TACR3: variants seen among roughly 807,000 people sequenced by gnomAD.
The protein encoded by TACR3 is tachykinin receptor 3.
Under a neutral mutation model 35.0 loss-of-function variants are expected in TACR3, and 34 were observed. That is an observed-to-expected ratio of 0.97 (90% confidence interval 0.74 to 1.30). The LOEUF is 1.30. Among genes scored for constraint, TACR3 ranks in the 50% most tolerant of loss-of-function variants. The pLI is 0.00. For missense variants in TACR3, 558 were observed against 591.7 expected, an observed-to-expected ratio of 0.94 and a Z score of 0.59; for synonymous variants, 233 against 221.1, an observed-to-expected ratio of 1.05 and a Z score of -0.48.
At chr4:103,649,628 A>G (rs1560821536) in intron 3 of TACR3, among the ~76,000 whole-genome samples, 1 of 152,098 alleles carries the variant, frequency 6.6e-6, no homozygotes, top group Non-Finnish European at 1.5e-5. Flanking sequence ...CTGTTAAAAG[A>G]CTAATGCATT....
chr4:103,639,958 T>A (rs1171647204), intron 3 of TACR3, among the ~76,000 whole-genome samples: 1 of 152,044 alleles, frequency 6.6e-6, no homozygotes, highest in Non-Finnish European at 1.5e-5. Context: ...CATTATCTTT[T>A]AATTAATAAT....
At chr4:103,655,744 G>C (rs764283793) in intron 3 of TACR3, among the ~76,000 whole-genome samples, 1 of 151,950 alleles carries the variant, frequency 6.6e-6, no homozygotes, top group African/African-American at 2.4e-5. Context: ...GAGACGAGGG[G>C]ATACAGGAAA....
chr4:103,610,972 A>G lies in TACR3; in HGVS notation c.889-19289T>C, dbSNP rs563056665. Among the ~76,000 whole-genome samples the G allele has an allele frequency of 5.3e-5, 8 of 152,150 alleles. 1 individual carries two copies. The South Asian group carries it at 1.7e-3, about 32-fold the overall frequency. ...ATTTCTGGGTTCTCTAATCTGTTCC[A>G]TCGGTATATGTGTCTGTTTTTAGGC... On this transcript the variant is annotated intron_variant, in intron 3 of 4. Coordinates refer to ENST00000304883, the MANE Select transcript of TACR3 (RefSeq NM_001059.3).
At chr4:103,660,932 A>G (rs1426477295) in intron 1 of TACR3, among the ~76,000 whole-genome samples, 2 of 152,058 alleles carry the variant, frequency 1.3e-5, no homozygotes, top group Non-Finnish European at 2.9e-5. Flanking sequence ...TAATAGCCAT[A>G]ATAATCCAAC....
intron 3 of TACR3, among the ~76,000 whole-genome samples, chr4:103,638,027 C>A (rs570844611): frequency 1.3e-5 from 2 of 152,112 alleles, no homozygotes; most frequent in Admixed American, 6.6e-5. Flanking sequence ...AGGTAATTTA[C>A]AGATTCAATG....
intron 3 of TACR3, chr4:103,593,374 C>A (rs533206064): frequency 6.6e-6 from 1 of 151,472 alleles, no homozygotes; most frequent in South Asian, 2.1e-4. Context: ...CTGAAGTTTA[C>A]AATGTAATGA....
intron 3 of TACR3, among the ~76,000 whole-genome samples, chr4:103,647,110 C>G (rs1490207811): frequency 6.6e-6 from 1 of 151,742 alleles, no homozygotes; most frequent in Non-Finnish European, 1.5e-5. Flanking sequence ...TAGTTTTTTA[C>G]AACTGCAAGT....
At chr4:103,617,298 GTATT>G (rs1435591291) in intron 3 of TACR3, among the ~76,000 whole-genome samples, 5 of 152,062 alleles carry the variant, frequency 3.3e-5, no homozygotes, top group Non-Finnish European at 5.9e-5. Context: ...GATATAAAAA[GTATT>G]TAAAGAAAGA....
chr4:103,702,195 A>G (rs1722667499), intron 1 of TACR3, among the ~76,000 whole-genome samples: 1 of 152,196 alleles, frequency 6.6e-6, no homozygotes, highest in Non-Finnish European at 1.5e-5. Flanking sequence ...AACTCAAACA[A>G]ATTTACAAGA....
intron 3 of TACR3, among the ~76,000 whole-genome samples, chr4:103,637,064 G>A (rs1164487332): frequency 1.3e-5 from 2 of 152,124 alleles, no homozygotes; most frequent in East Asian, 3.9e-4. Context: ...TAGCAAAAGA[G>A]GGAATCCTCC....
At chr4:103,683,470 C>CCAA (rs1722146941) in intron 1 of TACR3, among the ~76,000 whole-genome samples, 1 of 21,142 alleles carries the variant, frequency 4.7e-5, no homozygotes, top group Non-Finnish European at 8.9e-5. Flanking sequence ...AAAGACTGAC[C>CCAA]AAAAAAAAAA....
At chr4:103,658,840 C>G (rs1725782770) in intron 1 of TACR3, among the ~76,000 whole-genome samples, 1 of 152,038 alleles carries the variant, frequency 6.6e-6, no homozygotes, top group Non-Finnish European at 1.5e-5. Context: ...TTATTGCACA[C>G]TTTATTTCTG....
chr4:103,696,379 A>G (rs1479564016), intron 1 of TACR3, among the ~76,000 whole-genome samples: 1 of 151,504 alleles, frequency 6.6e-6, no homozygotes, highest in Non-Finnish European at 1.5e-5. Flanking sequence ...ACATTTTTGT[A>G]GAATATAATT....
intron 3 of TACR3, among the ~76,000 whole-genome samples, chr4:103,654,534 C>T (rs1181027258): frequency 9.3e-6 from 1 of 107,574 alleles, no homozygotes; most frequent in Non-Finnish European, 1.7e-5. Context: ...CATCACACAC[C>T]AGGGACTGTT....
intron 1 of TACR3, among the ~76,000 whole-genome samples, chr4:103,717,906 T>C (rs1378004814): frequency 6.6e-6 from 1 of 152,112 alleles, no homozygotes; most frequent in African/African-American, 2.4e-5. Flanking sequence ...AAAGGGAAGA[T>C]TGACGATTTT....
intron 1 of TACR3, among the ~76,000 whole-genome samples, chr4:103,718,178 GAT>G (rs1723132572): frequency 6.6e-6 from 1 of 151,924 alleles, no homozygotes; most frequent in Admixed American, 6.6e-5. Context: ...ATTTTATTTT[GAT>G]ATGTTTGTTA....
intron 1 of TACR3, among the ~76,000 whole-genome samples, chr4:103,715,344 G>A (rs1723065633): frequency 6.6e-6 from 1 of 152,102 alleles, no homozygotes; most frequent in Non-Finnish European, 1.5e-5. Context: ...TTGTTCAGAT[G>A]TGTGTAGCAC....
intron 1 of TACR3, among the ~76,000 whole-genome samples, chr4:103,686,212 T>G (rs969946174): frequency 6.6e-6 from 1 of 152,164 alleles, no homozygotes; most frequent in African/African-American, 2.4e-5. Flanking sequence ...GAAAAAGTCT[T>G]AAGAGATACT....
chr4:103,588,657 A>T lies in TACR3; in HGVS notation c.*1025T>A, dbSNP rs1209520977. 6.6e-6 allele frequency: 1 copy of T among 152,092 alleles called. No homozygotes were observed. Among genetic ancestry groups the T allele is most frequent in the Non-Finnish European group, 1.5e-5 (1 of 67,958 alleles). The allele number at this position is 152,092 out of a possible 1,614,324, so 9.4% of individuals were successfully genotyped here. ...AGATTCGTTTTCTAAGAGGTAATTC[A>T]CTTGTCTACACCTTGCCTAGTTTAC... is the stretch of plus-strand genomic sequence containing the variant. On this transcript the variant is annotated 3_prime_UTR_variant, in exon 5 of 5. Coordinates refer to ENST00000304883, the MANE Select transcript of TACR3 (RefSeq NM_001059.3).
Sources: allele counts gnomAD v4.1 joint callset (sites outside exome capture counted in the v4.1 genomes callset), GRCh38; gene constraint gnomAD v4.1.1; transcripts MANE v1.5; gene names NCBI Gene and HGNC (gene_info 2026-07-23, HGNC 2026-07-21).